The following SUPT16H variants were observed in gnomAD, a reference collection of about 807,000 sequenced individuals.
SUPT16H encodes FACT complex subunit SPT16.
SUPT16H carries 24 observed loss-of-function variants against 136.2 expected under a neutral mutation model. That is an observed-to-expected ratio of 0.18 (90% CI 0.13 to 0.25). SUPT16H has a LOEUF of 0.25. Ranked by LOEUF, SUPT16H falls within the 10% of genes least tolerant of loss-of-function variation. The pLI, the probability that SUPT16H is intolerant of heterozygous loss-of-function variation, is 1.00. For missense variants in SUPT16H, 623 were observed against 1,270.2 expected (o/e 0.49, Z 7.74); for synonymous variants, 415 against 428.2 (o/e 0.97, Z 0.38).
chr14:21,383,933 C>T lies in SUPT16H; in HGVS notation c.-6G>A, dbSNP rs759905246. On this transcript the variant is annotated 5_prime_UTR_variant, in exon 1 of 26. Transcript: ENST00000216297. ...TTGTCCAGAGTCACAGCCATAGCCC[C>T]GGACGCCGCTTCTCCTCGGGTTCCG... 6.2e-7 allele frequency: 1 copy of T among 1,612,410 alleles called. No homozygotes were observed. Among genetic ancestry groups the T allele is most frequent in the South Asian group, 1.1e-5 (1 of 91,008 alleles).
chr14:21,371,781 C>T, intron 3 of SUPT16H, 93 bp downstream of exon 3: 1 of 1,462,552 alleles, frequency 6.8e-7, no homozygotes, highest in Non-Finnish European at 9.3e-7. Context: ...TATAATTTCC[C>T]CTGCGCATTC....
intron 1 of SUPT16H, among the ~76,000 whole-genome samples, chr14:21,379,905 CAAACA>C (rs1295308948): frequency 1.3e-5 from 2 of 151,330 alleles, no homozygotes; most frequent in Non-Finnish European, 2.9e-5. Context: ...AACAAACAAA[CAAACA>C]AAAAAACCTT....
intron 1 of SUPT16H, among the ~76,000 whole-genome samples, chr14:21,379,934 C>G (rs1886986362): frequency 6.6e-6 from 1 of 152,026 alleles, no homozygotes; most frequent in Non-Finnish European, 1.5e-5. Flanking sequence ...CTATCCCACT[C>G]CAGAGATAAA....
At chr14:21,380,018 CT>C (rs1168683441) in intron 1 of SUPT16H, among the ~76,000 whole-genome samples, 3 of 152,198 alleles carry the variant, frequency 2.0e-5, no homozygotes, top group Non-Finnish European at 4.4e-5. Flanking sequence ...GCCTATACAG[CT>C]GGCTCTCCTT....
In SUPT16H at chr14:21,360,460, C is replaced by G; in HGVS notation, c.2130G>C (p.Gln710His). ...CAATAATCATTTCTCCATCACAGGG[C>G]TGGAACAAAGCATGCTTAATATTAT... ...LYNNIKHALFQPCDGEMIIVL... is the reference protein window; with the variant it reads ...LYNNIKHALFHPCDGEMIIVL... Residue 710 changes from glutamine to histidine, a missense_variant, in exon 18 of 26, where the codon CAG (glutamine) becomes CAC (histidine). Transcript: ENST00000216297. 1 of 1,614,084 alleles carries G rather than the reference C, an allele frequency of 6.2e-7. No individual in the cohort carries two copies. Among genetic ancestry groups the G allele is most frequent in the Non-Finnish European group, 8.5e-7 (1 of 1,179,974 alleles).
chr14:21,359,750 A>G (rs1466352279), intron 18 of SUPT16H, 141 bp from the exon 19 acceptor site: 1 of 936,176 alleles, frequency 1.1e-6, no homozygotes, highest in African/African-American at 1.7e-5. Flanking sequence ...ATAAATAATG[A>G]TGCTTGGGAA....
At chr14:21,361,412 G>A (rs1378417394) in intron 15 of SUPT16H, 199 bp from the exon 16 acceptor site, 1 of 629,478 alleles carries the variant, frequency 1.6e-6, no homozygotes, top group Admixed American at 2.6e-5. Flanking sequence ...CGCCTCCTGG[G>A]TTCAAGCCAT....
intron 2 of SUPT16H, 83 bp downstream of exon 2, chr14:21,373,255 A>C (rs1255537747): frequency 5.3e-6 from 6 of 1,140,276 alleles, no homozygotes; most frequent in Non-Finnish European, 6.6e-6. Context: ...CAGGAATTTA[A>C]GTTTTAATGT....
chr14:21,358,226 GAT>G (rs2139398367), intron 20 of SUPT16H, 87 bp downstream of exon 20: 1 of 900,090 alleles, frequency 1.1e-6, no homozygotes, highest in Non-Finnish European at 1.7e-6. Context: ...AAAAGGATAT[GAT>G]ATGTTAAATT....
chr14:21,373,007 A>G (rs1024963986), intron 2 of SUPT16H, among the ~76,000 whole-genome samples: 1 of 152,134 alleles, frequency 6.6e-6, no homozygotes, highest in Non-Finnish European at 1.5e-5. Flanking sequence ...GCAATGGTGC[A>G]ATCTTGGCTT....
At chr14:21,372,724 A>G (rs1437375301) in intron 2 of SUPT16H, 2 of 437,984 alleles carry the variant, frequency 4.6e-6, no homozygotes, top group Non-Finnish European at 4.5e-6. Context: ...AAGACTATAC[A>G]TAAGGAAAAG....
At chr14:21,368,924 AG>A (rs1566389706) in intron 6 of SUPT16H, among the ~76,000 whole-genome samples, 2 of 152,164 alleles carry the variant, frequency 1.3e-5, no homozygotes, top group African/African-American at 4.8e-5. Flanking sequence ...GTAAGTGTGT[AG>A]GGGGGCAGGC....
rs907647712 is a variant in SUPT16H, at chr14:21,375,494, T to C, written c.67-2064A>G. On this transcript the variant is annotated intron_variant, in intron 1 of 25. Transcript: ENST00000216297. ...GTTTTCATATTCTAGACACAGGATC[T>C]GCAGACATTTTCTCCCATTCTGTGC... Among the ~76,000 whole-genome samples the C allele has an allele frequency of 2.4e-4, 10 of 42,292 alleles. No homozygotes were observed. In the East Asian group the frequency reaches 3.2e-3, roughly 13 times the overall value. 27.7% of individuals were successfully genotyped at this position (42,292 alleles called of 152,430 possible).
chr14:21,366,672 C>CAAAAAAA, intron 7 of SUPT16H, 143 bp from the exon 8 acceptor site: 1 of 464,336 alleles, frequency 2.2e-6, no homozygotes, highest in Admixed American at 3.6e-5. Context: ...TTTTTTGAGA[C>CAAAAAAA]AAGGTCTCAC....
intron 7 of SUPT16H, among the ~76,000 whole-genome samples, 197 bp downstream of exon 7, chr14:21,368,072 C>T (rs1456169820): frequency 6.6e-6 from 1 of 152,098 alleles, no homozygotes; most frequent in East Asian, 1.9e-4. Context: ...CACCACTATG[C>T]CCAACTAATT....
At chr14:21,364,750 G>A in intron 10 of SUPT16H, 77 bp downstream of exon 10, 2 of 1,319,034 alleles carry the variant, frequency 1.5e-6, no homozygotes, top group Non-Finnish European at 1.1e-6. Flanking sequence ...AACAAAGCAA[G>A]AAAAAAACCA....
intron 1 of SUPT16H, chr14:21,383,308 CTG>C (rs1330810365): frequency 2.8e-5 from 10 of 357,868 alleles, no homozygotes; most frequent in African/African-American, 2.1e-4. Context: ...AGGTCCCTCT[CTG>C]TAACCCACAG....
chr14:21,376,074 T>C (rs931563236), intron 1 of SUPT16H, among the ~76,000 whole-genome samples: 6 of 152,244 alleles, frequency 3.9e-5, no homozygotes, highest in African/African-American at 1.4e-4. Flanking sequence ...ACTTCATTCT[T>C]TTACATTGAA....
At chr14:21,372,285 T>C (rs984832778) in intron 2 of SUPT16H, 1 of 454,136 alleles carries the variant, frequency 2.2e-6, no homozygotes, top group Non-Finnish European at 3.9e-6. Context: ...GCTTGAACTT[T>C]CTATAATTAA....
Sources: allele counts gnomAD v4.1 joint callset (sites outside exome capture counted in the v4.1 genomes callset), GRCh38; gene constraint gnomAD v4.1.1; transcripts MANE v1.5; gene names NCBI Gene and HGNC (gene_info 2026-07-23, HGNC 2026-07-21).